CDC42SE2: variants seen among roughly 807,000 people sequenced by gnomAD.
CDC42SE2 encodes the protein CDC42 small effector 2.
In CDC42SE2, 3 loss-of-function variants were observed where a neutral mutation model predicts 11.5. The ratio of observed to expected loss-of-function variants is 0.26; its 90% confidence interval spans 0.12 to 0.67. The LOEUF (loss-of-function observed/expected upper bound fraction) is 0.67, where lower values mean the gene tolerates loss of function less well. Among genes scored for constraint, CDC42SE2 ranks in the 30% least tolerant of loss-of-function variants. The probability of loss-of-function intolerance (pLI) is 0.80; values close to 1 mark genes in which losing one functional copy is unlikely to be tolerated. For synonymous variants in CDC42SE2, 33 were observed against 34.8 expected (o/e 0.95, Z 0.18); for missense variants, 82 against 106.8 (o/e 0.77, Z 1.02).
chr5:131,383,702 C>T (rs749426803), intron 3 of CDC42SE2, among the ~76,000 whole-genome samples: 11 of 152,162 alleles, frequency 7.2e-5, no homozygotes, highest in Non-Finnish European at 1.3e-4. Context: ...AGCCTGTCAC[C>T]TGTTTTTGTA....
At chr5:131,378,928 CTCAGTG>C (rs1399691293) in intron 3 of CDC42SE2, among the ~76,000 whole-genome samples, 1 of 152,210 alleles carries the variant, frequency 6.6e-6, no homozygotes, top group East Asian at 1.9e-4. Flanking sequence ...TGGTAGTTCA[CTCAGTG>C]TCAAACACAC....
At chr5:131,346,396 G>A (rs191524737) in intron 2 of CDC42SE2, among the ~76,000 whole-genome samples, 5,351 of 152,252 alleles carry the variant, frequency 0.035, 314 homozygotes, top group African/African-American at 0.12. Flanking sequence ...AAGATCAAAA[G>A]AGACAAAGAA....
At chr5:131,321,215 T>C (rs1431108403) in intron 2 of CDC42SE2, among the ~76,000 whole-genome samples, 2 of 152,244 alleles carry the variant, frequency 1.3e-5, no homozygotes, top group African/African-American at 4.8e-5. Flanking sequence ...TAGTTCATCG[T>C]ATTCTCACTT....
intron 2 of CDC42SE2, among the ~76,000 whole-genome samples, chr5:131,332,303 T>C (rs1337415715): frequency 6.6e-6 from 1 of 152,234 alleles, no homozygotes; most frequent in Non-Finnish European, 1.5e-5. Flanking sequence ...GAACTCCTCC[T>C]GTTTTATGGC....
chr5:131,240,488 A>C, the CDC42SE2 span, among the ~76,000 whole-genome samples: 2,957 of 152,302 alleles, frequency 0.019, 103 homozygotes, highest in African/African-American at 0.066. Context: ...AACTTAAGCA[A>C]GTTTCTTTGT....
At chr5:131,221,680 T>C in the CDC42SE2 span, among the ~76,000 whole-genome samples, 34 of 152,208 alleles carry the variant, frequency 2.2e-4, no homozygotes, top group Non-Finnish European at 4.0e-4. Context: ...GCACTACTTC[T>C]ATTTCAGGAT....
intron 3 of CDC42SE2, among the ~76,000 whole-genome samples, chr5:131,367,107 T>A (rs1044935028): frequency 3.3e-5 from 5 of 150,970 alleles, no homozygotes; most frequent in African/African-American, 1.2e-4. Flanking sequence ...CAAATATATA[T>A]GTGTGTGTGT....
At chr5:131,390,149 G>GTT (rs530618891) in intron 4 of CDC42SE2, among the ~76,000 whole-genome samples, 1 of 152,106 alleles carries the variant, frequency 6.6e-6, no homozygotes, top group Non-Finnish European at 1.5e-5. Flanking sequence ...AGGATAAATA[G>GTT]TTTACCCAGT....
intron 1 of CDC42SE2, among the ~76,000 whole-genome samples, chr5:131,306,562 T>G (rs868363704): frequency 6.6e-5 from 10 of 152,194 alleles, no homozygotes; most frequent in Admixed American, 3.9e-4. Context: ...AAGATTGCTT[T>G]GTCTGTTTGA....
chr5:131,271,463 G>T (rs1459439308), intron 1 of CDC42SE2, among the ~76,000 whole-genome samples: 1 of 152,144 alleles, frequency 6.6e-6, no homozygotes, highest in African/African-American at 2.4e-5. Flanking sequence ...ATTTTATTAG[G>T]TATACATAGT....
chr5:131,328,205 C>G (rs1012977308), intron 2 of CDC42SE2, among the ~76,000 whole-genome samples: 4 of 152,144 alleles, frequency 2.6e-5, no homozygotes, highest in African/African-American at 9.7e-5. Context: ...ACCCCTGCTG[C>G]AAGGATTATG....
chr5:131,250,962 A>G (rs754561163), intron 1 of CDC42SE2, among the ~76,000 whole-genome samples: 22 of 152,180 alleles, frequency 1.4e-4, no homozygotes, highest in Non-Finnish European at 2.8e-4. Flanking sequence ...GGGGAATTGG[A>G]GGGACGGACA....
At chr5:131,220,495 G>A in the CDC42SE2 span, among the ~76,000 whole-genome samples, 5 of 152,210 alleles carry the variant, frequency 3.3e-5, no homozygotes, top group Non-Finnish European at 7.4e-5. Flanking sequence ...ATGAGCCAGC[G>A]CTCCTGGCCA....
intron 3 of CDC42SE2, among the ~76,000 whole-genome samples, chr5:131,363,321 G>C (rs867194789): frequency 2.0e-5 from 3 of 150,512 alleles, no homozygotes; most frequent in Non-Finnish European, 4.4e-5. Context: ...CCATCTAATG[G>C]TTTCCCACAT....
chr5:131,214,722 A>T, the CDC42SE2 span, among the ~76,000 whole-genome samples: 1 of 152,112 alleles, frequency 6.6e-6, no homozygotes, highest in African/African-American at 2.4e-5. Context: ...TTCTGAATTG[A>T]GGCAAGGGGA....
At chr5:131,331,133 T>C (rs1294138071) in intron 2 of CDC42SE2, among the ~76,000 whole-genome samples, 1 of 152,204 alleles carries the variant, frequency 6.6e-6, no homozygotes, top group Non-Finnish European at 1.5e-5. Context: ...ATGAAAACTT[T>C]GATTCAGAGA....
At chr5:131,273,635 T>G (rs1757040048) in intron 1 of CDC42SE2, among the ~76,000 whole-genome samples, 1 of 151,034 alleles carries the variant, frequency 6.6e-6, no homozygotes, top group Non-Finnish European at 1.5e-5. Context: ...TAGCCAGGCG[T>G]GGCGGCTGGT....
chr5:131,359,451 A>G lies in CDC42SE2; in HGVS notation c.-43A>G, dbSNP rs1258181515. 2 of 1,526,256 alleles carry G rather than the reference A, an allele frequency of 1.3e-6. No individual in the cohort carries two copies. The highest frequency in any genetic ancestry group is 1.4e-5 in the African/African-American group (1 of 73,280). 94.5% of individuals were successfully genotyped at this position (1,526,256 alleles called of 1,614,324 possible). A position where few individuals can be genotyped will look rare whatever the true frequency, so the allele number is the denominator to read the frequency against. On this transcript the variant is annotated 5_prime_UTR_variant, in exon 3 of 5. Transcript: ENST00000505065. ...TATTTTTGGAACTTCCCGAGTTGAG[A>G]TTTGGAACCTTCATTGGTGCTCATT...
intron 2 of CDC42SE2, among the ~76,000 whole-genome samples, chr5:131,349,683 G>T (rs2149761523): frequency 6.6e-6 from 1 of 152,132 alleles, no homozygotes; most frequent in East Asian, 1.9e-4. Context: ...ACAACCCATT[G>T]TAATGAAGTC....
Sources: gnomAD v4.1 joint callset for allele counts (sites outside exome capture counted in the v4.1 genomes callset) on GRCh38, gnomAD v4.1.1 for gene constraint, MANE v1.5 for transcripts, NCBI Gene and HGNC (gene_info 2026-07-23, HGNC 2026-07-21) for gene names.